SNX29: variants seen among roughly 807,000 people sequenced by gnomAD.
SNX29 encodes sorting nexin 29.
Under a neutral mutation model 102.1 loss-of-function variants are expected in SNX29, and 78 were observed. The ratio of observed to expected loss-of-function variants is 0.76; its 90% CI spans 0.64 to 0.92. SNX29 has a LOEUF of 0.92. Among genes scored for constraint, SNX29 ranks in the 40% least tolerant of loss-of-function variants. The pLI, the probability that SNX29 is intolerant of heterozygous loss-of-function variation, is 0.00. For synonymous variants in SNX29, 580 were observed against 414.5 expected (o/e 1.40, Z -4.85); for missense variants, 1,280 against 1,061.7 (o/e 1.21, Z -2.86).
chr16:12,089,567 T>C (rs180695499), intron 11 of SNX29, among the ~76,000 whole-genome samples: 2 of 152,190 alleles, frequency 1.3e-5, no homozygotes, highest in Admixed American at 1.3e-4. Context: ...AGGGCTTCTC[T>C]CAGATGTCAG....
chr16:12,064,421 C>T (rs555959260), intron 9 of SNX29, among the ~76,000 whole-genome samples: 1 of 152,230 alleles, frequency 6.6e-6, no homozygotes, highest in Non-Finnish European at 1.5e-5. Context: ...GCTGTCAGCT[C>T]GCAGAGTCAG....
At chr16:12,476,845 C>T (rs2087677421) in intron 18 of SNX29, among the ~76,000 whole-genome samples, 1 of 152,118 alleles carries the variant, frequency 6.6e-6, no homozygotes, top group Admixed American at 6.5e-5. Flanking sequence ...GAATTTATCA[C>T]TCACATTAGA....
intron 20 of SNX29, among the ~76,000 whole-genome samples, chr16:12,554,300 G>C (rs552314249): frequency 6.6e-6 from 1 of 152,304 alleles, no homozygotes; most frequent in African/African-American, 2.4e-5. Context: ...CTTCATATGA[G>C]GTTTCAGTTT....
intron 14 of SNX29, among the ~76,000 whole-genome samples, chr16:12,231,817 A>G (rs976726435): frequency 6.6e-6 from 1 of 152,236 alleles, no homozygotes; most frequent in African/African-American, 2.4e-5. Context: ...GAACTCCAGT[A>G]GGCAAAAACC....
chr16:12,154,499 T>C (rs944213857), intron 13 of SNX29, among the ~76,000 whole-genome samples: 1 of 152,152 alleles, frequency 6.6e-6, no homozygotes, highest in African/African-American at 2.4e-5. Context: ...TTAGGGTCTG[T>C]CGCCCCTATT....
chr16:12,450,615 C>T (rs112514265), intron 18 of SNX29, among the ~76,000 whole-genome samples: 2,698 of 152,224 alleles, frequency 0.018, 83 homozygotes, highest in African/African-American at 0.061. Flanking sequence ...CGGAGGCTTC[C>T]CGGAGAGTGG....
chr16:12,472,390 G>A (rs568887638), intron 18 of SNX29, among the ~76,000 whole-genome samples: 146 of 152,062 alleles, frequency 9.6e-4, no homozygotes, highest in African/African-American at 3.2e-3. Context: ...CGTGTGGCAG[G>A]CACCTGTAAT....
At chr16:12,464,012 C>T (rs1459589947) in intron 18 of SNX29, among the ~76,000 whole-genome samples, 2 of 152,114 alleles carry the variant, frequency 1.3e-5, no homozygotes, top group Admixed American at 6.5e-5. Context: ...CCTATCTCCC[C>T]TATCCATCCC....
chr16:12,516,092 C>T (rs1248448330), intron 19 of SNX29, among the ~76,000 whole-genome samples: 3 of 152,120 alleles, frequency 2.0e-5, no homozygotes, highest in Non-Finnish European at 4.4e-5. Flanking sequence ...ATAAGTCAGC[C>T]GATGGCTCTC....
intron 13 of SNX29, among the ~76,000 whole-genome samples, chr16:12,195,223 C>T (rs999109835): frequency 1.3e-5 from 2 of 152,176 alleles, no homozygotes; most frequent in African/African-American, 4.8e-5. Context: ...TTTATCATAG[C>T]TTTGACAGTC....
intron 16 of SNX29, chr16:12,375,905 C>G (rs574634036): frequency 2.0e-5 from 3 of 151,974 alleles, no homozygotes; most frequent in Admixed American, 2.0e-4. Context: ...TAGTTACACA[C>G]GCCTGTGATC....
At chr16:11,978,129 A>G (rs1388644725) in intron 1 of SNX29, among the ~76,000 whole-genome samples, 1 of 152,088 alleles carries the variant, frequency 6.6e-6, no homozygotes, top group Admixed American at 6.5e-5. Context: ...CAAGGGCAAG[A>G]TTTGTGAAAT....
At chr16:12,321,561 G>A (rs939495979) in intron 15 of SNX29, among the ~76,000 whole-genome samples, 2 of 152,154 alleles carry the variant, frequency 1.3e-5, no homozygotes, top group African/African-American at 4.8e-5. Context: ...GGAGTGCTTT[G>A]TTTTTGGAGC....
intron 15 of SNX29, among the ~76,000 whole-genome samples, chr16:12,349,023 T>C (rs1388871579): frequency 6.6e-6 from 1 of 152,116 alleles, no homozygotes; most frequent in Non-Finnish European, 1.5e-5. Context: ...TGTTTAAAAG[T>C]CTTGTGGCCT....
chr16:12,321,242 A>G (rs374796066), intron 15 of SNX29, among the ~76,000 whole-genome samples: 97 of 152,254 alleles, frequency 6.4e-4, no homozygotes, highest in African/African-American at 2.1e-3. Flanking sequence ...TTCCCCACGC[A>G]GGGACCAAAG....
chr16:12,005,282 G>A (rs943122303), intron 3 of SNX29, among the ~76,000 whole-genome samples: 1 of 152,194 alleles, frequency 6.6e-6, no homozygotes, highest in Non-Finnish European at 1.5e-5. Flanking sequence ...TCCAAGGTCT[G>A]CTTGCATCAG....
chr16:12,485,298 C>A (rs1401564454), intron 19 of SNX29, among the ~76,000 whole-genome samples: 1 of 152,098 alleles, frequency 6.6e-6, no homozygotes, highest in Non-Finnish European at 1.5e-5. Context: ...GTAAAGGACT[C>A]GTTTTTGATG....
intron 15 of SNX29, among the ~76,000 whole-genome samples, chr16:12,285,251 C>T (rs984562883): frequency 1.3e-5 from 2 of 152,200 alleles, no homozygotes; most frequent in African/African-American, 2.4e-5. Context: ...CGGGCTCTCC[C>T]AGCTCTTGCT....
chr16:12,054,726 C>G (rs1392803954), intron 8 of SNX29, among the ~76,000 whole-genome samples: 1 of 152,172 alleles, frequency 6.6e-6, no homozygotes, highest in Admixed American at 6.5e-5. Flanking sequence ...GGAGCAGTTC[C>G]TCAATATAAA....
Sources: gnomAD v4.1 joint callset for allele counts (sites outside exome capture counted in the v4.1 genomes callset) on GRCh38, gnomAD v4.1.1 for gene constraint, MANE v1.5 for transcripts, NCBI Gene and HGNC (gene_info 2026-07-23, HGNC 2026-07-21) for gene names.